The following PLD1 variants were observed in gnomAD, a reference collection of about 807,000 sequenced individuals.
The protein encoded by PLD1 is choline phosphatase 1.
In PLD1, 112 loss-of-function variants were observed where a neutral mutation model predicts 137.1. That is an observed-to-expected ratio of 0.82 (90% confidence interval 0.70 to 0.96). The LOEUF is 0.96. PLD1 is among the 40% of genes least tolerant of loss of function. The pLI, the probability that PLD1 is intolerant of heterozygous loss-of-function variation, is 0.00. For missense variants in PLD1, 1,321 were observed against 1,342.0 expected (o/e 0.98, Z 0.24); for synonymous variants, 431 against 454.7 (o/e 0.95, Z 0.66).
chr3:171,706,115 G>C (rs1328525663), intron 11 of PLD1, among the ~76,000 whole-genome samples: 2 of 140,698 alleles, frequency 1.4e-5, no homozygotes, highest in East Asian at 4.3e-4. Flanking sequence ...ACCAACACCG[G>C]GTCAGTCAGT....
intron 24 of PLD1, among the ~76,000 whole-genome samples, chr3:171,615,786 T>G (rs1353050802): frequency 1.3e-5 from 2 of 152,228 alleles, no homozygotes; most frequent in Non-Finnish European, 1.5e-5. Flanking sequence ...TTGGGTTGCT[T>G]CCAGAGTTTT....
At chr3:171,711,257 G>A (rs1450345756) in intron 9 of PLD1, among the ~76,000 whole-genome samples, 5 of 137,856 alleles carry the variant, frequency 3.6e-5, no homozygotes. Context: ...TCCAACTTCC[G>A]CCTCCTGGGT....
chr3:171,695,408 C>T (rs77648385), intron 12 of PLD1, among the ~76,000 whole-genome samples: 3,686 of 152,284 alleles, frequency 0.024, 66 homozygotes, highest in Non-Finnish European at 0.036. Flanking sequence ...CTATGCAATG[C>T]AGTGTTTCTT....
At chr3:171,653,742 T>C (rs1736975872) in intron 21 of PLD1, 1 of 152,268 alleles carries the variant, frequency 6.6e-6, no homozygotes, top group Non-Finnish European at 1.5e-5. Context: ...AGATGATGAA[T>C]ATCATGGAAA....
intron 19 of PLD1, among the ~76,000 whole-genome samples, chr3:171,663,915 G>A (rs1187081055): frequency 6.6e-6 from 1 of 151,986 alleles, no homozygotes; most frequent in Non-Finnish European, 1.5e-5. Flanking sequence ...TATATAAAAG[G>A]CCTGGAAAAA....
chr3:171,746,879 T>C (rs924960933), intron 1 of PLD1, among the ~76,000 whole-genome samples: 1 of 152,198 alleles, frequency 6.6e-6, no homozygotes, highest in Non-Finnish European at 1.5e-5. Context: ...CCCCCTTCAA[T>C]ACGGTGGAAG....
intron 1 of PLD1, among the ~76,000 whole-genome samples, chr3:171,784,622 G>A (rs1448448585): frequency 6.6e-6 from 1 of 152,010 alleles, no homozygotes; most frequent in African/African-American, 2.4e-5. Flanking sequence ...TCCTCTTGCT[G>A]TTCCCTCCCC....
At chr3:171,720,368 G>A (rs1402270946) in intron 8 of PLD1, among the ~76,000 whole-genome samples, 2 of 151,442 alleles carry the variant, frequency 1.3e-5, no homozygotes, top group Non-Finnish European at 2.9e-5. Context: ...GCCGAGGCGG[G>A]CGGATCACGA....
intron 24 of PLD1, among the ~76,000 whole-genome samples, chr3:171,619,664 G>GCACAT: frequency 6.6e-6 from 1 of 152,128 alleles, no homozygotes; most frequent in Non-Finnish European, 1.5e-5. Flanking sequence ...TCAGATCTGT[G>GCACAT]GTAATGGTTA....
At chr3:171,760,740 G>A (rs775532410) in intron 1 of PLD1, among the ~76,000 whole-genome samples, 3 of 152,172 alleles carry the variant, frequency 2.0e-5, no homozygotes, top group Non-Finnish European at 4.4e-5. Context: ...GCCTAGGATG[G>A]GAGCTTAAGG....
Position 171,764,132 on chromosome 3 carries a change from C to T in PLD1, c.-31-26050G>A, listed in dbSNP as rs75568671. Among the ~76,000 whole-genome samples the T allele has an allele frequency of 4.4e-3, 671 of 152,200 alleles. 3 individuals are homozygous for T. Among genetic ancestry groups the T allele is most frequent in the Non-Finnish European group, 7.1e-3 (483 of 67,996 alleles). ...GACCATAGTCACATGCCACCACGTC[C>T]AGCTAATTTTATTTATGTTTTTAGT... is the stretch of plus-strand genomic sequence containing the variant. On this transcript the variant is annotated intron_variant, in intron 1 of 26. Coordinates refer to ENST00000351298, the MANE Select transcript of PLD1 (RefSeq NM_002662.5).
At chr3:171,639,541 A>AATATATATTCATAT (rs1735479701) in intron 23 of PLD1, among the ~76,000 whole-genome samples, 2 of 73,868 alleles carry the variant, frequency 2.7e-5, no homozygotes, top group African/African-American at 1.3e-4. Context: ...TATATTATAT[A>AATATATATTCATAT]AATATATATT....
At chr3:171,809,570 T>C (rs532349658) in intron 1 of PLD1, 1 of 152,350 alleles carries the variant, frequency 6.6e-6, no homozygotes. Context: ...GAAACTGTTG[T>C]GGTCTGTTCT....
At chr3:171,682,091 A>C (rs1714021848) in intron 16 of PLD1, among the ~76,000 whole-genome samples, 1 of 149,852 alleles carries the variant, frequency 6.7e-6, no homozygotes, top group Non-Finnish European at 1.5e-5. Flanking sequence ...CAGAACTTAA[A>C]GTATAATACA....
intron 1 of PLD1, among the ~76,000 whole-genome samples, chr3:171,770,973 T>C (rs1247666315): frequency 2.7e-5 from 4 of 149,310 alleles, no homozygotes; most frequent in South Asian, 2.1e-4. Context: ...CCAACACAGA[T>C]ACTAATATGT....
intron 11 of PLD1, among the ~76,000 whole-genome samples, chr3:171,700,588 T>C (rs1204187681): frequency 6.6e-6 from 1 of 152,080 alleles, no homozygotes; most frequent in Non-Finnish European, 1.5e-5. Flanking sequence ...ATGTGAAAAA[T>C]ACATCCTCAG....
intron 1 of PLD1, among the ~76,000 whole-genome samples, chr3:171,761,630 T>C (rs1721401486): frequency 6.6e-6 from 1 of 152,192 alleles, no homozygotes; most frequent in African/African-American, 2.4e-5. Flanking sequence ...CAAGAAGCAG[T>C]GTTTCCTAGG....
At chr3:171,754,874 C>T (rs987589782) in intron 1 of PLD1, among the ~76,000 whole-genome samples, 14 of 152,196 alleles carry the variant, frequency 9.2e-5, no homozygotes, top group Admixed American at 6.5e-5. Context: ...TCCATCCTAT[C>T]TGGTGAGACA....
rs892107441 is a variant in PLD1 at position 171,688,752 on chromosome 3, T to C, written c.1463A>G (p.Asp488Gly). 4.3e-6 allele frequency: 7 copies of C among 1,614,162 alleles called. No individual in the cohort carries two copies. The highest frequency in any genetic ancestry group is 5.9e-6 in the Non-Finnish European group (7 of 1,180,012). The change falls in exon 14 of 27, where the codon GAC becomes GGC. Residue 488 changes from aspartate to glycine, a missense_variant. Physicochemically the swap from Asp to Gly is moderately conservative, Grantham distance 94 (BLOSUM62 -1). Transcript: ENST00000351298. ...GGIDLAYGRW[D>G]DNEHRLTDVG... The stretch of plus-strand genomic sequence containing the variant: ...GTCTGTGAGTCTGTGCTCATTGTCG[T>C]CCCACCTTCCATAGGCCAGGTCAAT...
Sources: allele counts gnomAD v4.1 joint callset (sites outside exome capture counted in the v4.1 genomes callset), GRCh38; gene constraint gnomAD v4.1.1; transcripts MANE v1.5; gene names NCBI Gene and HGNC (gene_info 2026-07-23, HGNC 2026-07-21).